Variants in RIMS2 observed in about 807,000 individuals in gnomAD.
RIMS2 encodes the protein regulating synaptic membrane exocytosis protein 2.
In RIMS2, 59 loss-of-function variants were observed where a neutral mutation model predicts 174.4. That is an observed-to-expected ratio of 0.34 (90% CI 0.27 to 0.42). The LOEUF (loss-of-function observed/expected upper bound fraction) is 0.42. Among genes scored for constraint, RIMS2 ranks in the 10% least tolerant of loss-of-function variants. The probability of loss-of-function intolerance (pLI) is 1.00; values close to 1 mark genes in which losing one functional copy is unlikely to be tolerated. For synonymous variants in RIMS2, 606 were observed against 572.5 expected (o/e 1.06, Z -0.84); for missense variants, 1,620 against 1,666.3 (o/e 0.97, Z 0.48).
intron 3 of RIMS2, among the ~76,000 whole-genome samples, chr8:103,880,251 C>A (rs574275274): frequency 2.8e-4 from 43 of 151,564 alleles, no homozygotes; most frequent in Middle Eastern, 3.2e-3. Flanking sequence ...TTATAAATTT[C>A]TAAATCCACC....
At chr8:104,119,956 T>C (rs915483578) in intron 19 of RIMS2, among the ~76,000 whole-genome samples, 3 of 152,218 alleles carry the variant, frequency 2.0e-5, no homozygotes, top group African/African-American at 7.2e-5. Context: ...TTTAGACAAA[T>C]GTAGGGCACA....
intron 1 of RIMS2, among the ~76,000 whole-genome samples, chr8:103,677,678 A>G (rs932502357): frequency 7.2e-5 from 11 of 152,148 alleles, no homozygotes; most frequent in Non-Finnish European, 1.3e-4. Context: ...CCATGTGGTA[A>G]AATTAAAAAC....
intron 2 of RIMS2, among the ~76,000 whole-genome samples, chr8:103,751,373 T>A (rs924321014): frequency 4.6e-5 from 7 of 151,814 alleles, no homozygotes; most frequent in Admixed American, 2.6e-4. Flanking sequence ...TGGTTCCAAG[T>A]CTTTGCTATT....
intron 1 of RIMS2, among the ~76,000 whole-genome samples, chr8:103,555,423 AAGTT>A (rs987596741): frequency 4.8e-4 from 73 of 152,294 alleles, no homozygotes; most frequent in African/African-American, 1.6e-3. Flanking sequence ...GTAGGAATGT[AAGTT>A]AGTACAGCCA....
intron 14 of RIMS2, among the ~76,000 whole-genome samples, chr8:103,952,310 A>C (rs1190792862): frequency 6.6e-6 from 1 of 152,174 alleles, no homozygotes; most frequent in African/African-American, 2.4e-5. Context: ...ATGTATCCTG[A>C]CTAGGAGACA....
intron 19 of RIMS2, among the ~76,000 whole-genome samples, chr8:104,032,015 G>A (rs565364941): frequency 1.3e-5 from 2 of 151,958 alleles, no homozygotes; most frequent in East Asian, 3.9e-4. Flanking sequence ...GTCCTTTAGG[G>A]AAAAAATGAC....
At chr8:104,021,335 GACA>G (rs1322400622) in intron 19 of RIMS2, among the ~76,000 whole-genome samples, 1 of 151,992 alleles carries the variant, frequency 6.6e-6, no homozygotes, top group Non-Finnish European at 1.5e-5. Context: ...GTATTCATAA[GACA>G]ATAAACATTT....
At chr8:104,178,488 C>T (rs2098919241) in intron 19 of RIMS2, among the ~76,000 whole-genome samples, 2 of 152,052 alleles carry the variant, frequency 1.3e-5, no homozygotes, top group Admixed American at 6.6e-5. Flanking sequence ...TGACTCTTCC[C>T]GCCTTCCTCT....
At chr8:103,828,852 C>T in intron 3 of RIMS2, among the ~76,000 whole-genome samples, 1 of 151,994 alleles carries the variant, frequency 6.6e-6, no homozygotes, top group Admixed American at 6.6e-5. Flanking sequence ...TCTTTGTCAA[C>T]TTTGTTGAAG....
intron 14 of RIMS2, among the ~76,000 whole-genome samples, chr8:103,947,298 AT>A (rs1055052281): frequency 6.6e-6 from 1 of 152,212 alleles, no homozygotes; most frequent in African/African-American, 2.4e-5. Flanking sequence ...CATTAAGAAG[AT>A]TTTTTTAAAG....
chr8:103,568,655 A>T, intron 1 of RIMS2: 1 of 638,808 alleles, frequency 1.6e-6, no homozygotes, highest in Non-Finnish European at 3.0e-6. Context: ...TCTTTTCTAG[A>T]AGCATTTCCC....
chr8:103,627,408 G>T lies in RIMS2; in HGVS notation c.177-69678G>T, dbSNP rs552122881. ...TTTTACAATCCATTTGTACAATAGT[G>T]GTCCTGAGGTGATGTACGTTTTCAG... On this transcript the variant is annotated intron_variant, in intron 1 of 23. Coordinates refer to ENST00000504942, the Ensembl canonical transcript of RIMS2. Among the ~76,000 whole-genome samples the T allele has an allele frequency of 4.6e-5, 7 of 152,234 alleles. No homozygotes were observed. The East Asian group carries it at 1.3e-3, about 29-fold the overall frequency.
chr8:103,613,099 G>A (rs190107950), intron 1 of RIMS2, among the ~76,000 whole-genome samples: 178 of 152,318 alleles, frequency 1.2e-3, no homozygotes, highest in South Asian at 2.3e-3. Context: ...GATGGTAAAG[G>A]CAGACAGGTT....
intron 19 of RIMS2, among the ~76,000 whole-genome samples, chr8:104,039,037 T>G (rs1216939891): frequency 2.0e-5 from 3 of 151,698 alleles, no homozygotes; most frequent in Non-Finnish European, 4.4e-5. Context: ...AATTTTGTAC[T>G]TCCTGAAAAA....
rs148281353 is a variant in RIMS2, at chr8:103,834,121, C to T, written c.699-51177C>T. ...ACCCTCTGGGCTCAAGTGATCATCC[C>T]GCCTCAGCTTTCTGAGTAGCTGGAA... On this transcript the variant is annotated intron_variant, in intron 3 of 23. Transcript: ENST00000504942. 2.4e-3 allele frequency among the ~76,000 whole-genome samples: 365 copies of T among 152,054 alleles called. 1 individual carries two copies. Among genetic ancestry groups the T allele is most frequent in the Non-Finnish European group, 4.3e-3 (291 of 67,986 alleles).
At chr8:103,886,202 A>G in exon 4 of RIMS2, 2 of 1,611,144 alleles carry the variant, frequency 1.2e-6, no homozygotes, top group Non-Finnish European at 1.7e-6. Context: ...TGAGATTGAA[A>G]GTGAGAGTGT....
chr8:103,719,790 G>A (rs7822106), intron 2 of RIMS2, among the ~76,000 whole-genome samples: 28,444 of 152,052 alleles, frequency 0.19, 2,994 homozygotes, highest in African/African-American at 0.27. Context: ...CTGTTCATCT[G>A]TTACTAAATA....
chr8:103,513,557 A>G (rs1428591279), intron 1 of RIMS2, among the ~76,000 whole-genome samples: 1 of 152,200 alleles, frequency 6.6e-6, no homozygotes, highest in African/African-American at 2.4e-5. Flanking sequence ...AATATTTACA[A>G]AAGGGTTAAA....
rs913481872 is a variant in RIMS2, at chr8:103,603,236, G to A, written c.177-93850G>A. Among the ~76,000 whole-genome samples the A allele has an allele frequency of 8.0e-5, 12 of 149,186 alleles. No homozygotes were observed. In the East Asian group the frequency reaches 2.4e-3, roughly 30 times the overall value. The stretch of plus-strand genomic sequence containing the variant: ...TTGTTCAATTCCCACCTATGAGTGA[G>A]CATATGCGGTGTTTGGTTTTTTGTT... On this transcript the variant is annotated intron_variant, in intron 1 of 23. Transcript: ENST00000504942.
Sources: gnomAD v4.1 joint callset for allele counts (sites outside exome capture counted in the v4.1 genomes callset) on GRCh38, gnomAD v4.1.1 for gene constraint, MANE v1.5 for transcripts, NCBI Gene and HGNC (gene_info 2026-07-23, HGNC 2026-07-21) for gene names.